The following KIF16B variants were observed in gnomAD, a reference collection of about 807,000 sequenced individuals.
KIF16B encodes the protein kinesin family member 16B.
Under a neutral mutation model 156.3 loss-of-function variants are expected in KIF16B, and 98 were observed. That is an observed-to-expected ratio of 0.63 (90% confidence interval 0.53 to 0.74). KIF16B has a LOEUF of 0.74. KIF16B is among the 30% of genes least tolerant of loss of function. The probability of loss-of-function intolerance (pLI) is 0.00; values close to 1 mark genes in which losing one functional copy is unlikely to be tolerated. For missense variants in KIF16B, 1,421 were observed against 1,606.5 expected (o/e 0.88, Z 1.97); for synonymous variants, 564 against 583.7 (o/e 0.97, Z 0.49).
intron 25 of KIF16B, among the ~76,000 whole-genome samples, chr20:16,310,196 AG>A (rs1419201240): frequency 6.6e-6 from 1 of 152,260 alleles, no homozygotes. Flanking sequence ...TGTTCTCTAG[AG>A]GATAATGCCA....
rs530294626 is a variant in KIF16B, at chr20:16,557,784, T to G, written c.47+15445A>C. Among the ~76,000 whole-genome samples, 27 of 152,302 alleles carry G rather than the reference T, an allele frequency of 1.8e-4. No individual in the cohort carries two copies. In the South Asian group the frequency reaches 3.7e-3, roughly 21 times the overall value. On this transcript the variant is annotated intron_variant, in intron 1 of 25. Transcript: ENST00000354981. The stretch of plus-strand genomic sequence containing the variant: ...CCTGCATGGTTTCCTTGTTTGGTTG[T>G]TTGTTTCCGCTAAAATCCTTGCCAA...
At chr20:16,433,244 A>G (rs113655396) in intron 12 of KIF16B, among the ~76,000 whole-genome samples, 146 of 152,302 alleles carry the variant, frequency 9.6e-4, no homozygotes, top group African/African-American at 3.1e-3. Flanking sequence ...CAGTAGCCCC[A>G]TGGCAATGAA....
chr20:16,274,535 T>C (rs2063032395), intron 25 of KIF16B, among the ~76,000 whole-genome samples: 1 of 152,234 alleles, frequency 6.6e-6, no homozygotes, highest in African/African-American at 2.4e-5. Context: ...CCCAAACCTT[T>C]ATTATTGTCT....
rs1019770889 is a variant in KIF16B, at chr20:16,522,089, G to A, written c.231+4003C>T. On this transcript the variant is annotated intron_variant, in intron 3 of 25. Transcript: ENST00000354981. ...AACATACCAAATTGTAAAGACCATCGACACCATGAAGAAACTGCATCAACT... is the reference window on the plus strand; with the variant it reads ...AACATACCAAATTGTAAAGACCATCAACACCATGAAGAAACTGCATCAACT... 8.5e-5 allele frequency among the ~76,000 whole-genome samples: 13 copies of A among 152,174 alleles called. No individual in the cohort carries two copies. The East Asian group carries it at 2.1e-3, about 25-fold the overall frequency.
At chr20:16,525,081 C>T (rs1448746481) in intron 3 of KIF16B, among the ~76,000 whole-genome samples, 9 of 152,004 alleles carry the variant, frequency 5.9e-5, no homozygotes, top group Non-Finnish European at 1.3e-4. Flanking sequence ...ATGTAGATGT[C>T]GGGTTGATGG....
At position 16,507,726 on chromosome 20, in the gene KIF16B, C is replaced by G. The variant is rs1034829238; in HGVS notation, c.699+232G>C. Among the ~76,000 whole-genome samples, 4 of 152,082 alleles carry G rather than the reference C, an allele frequency of 2.6e-5. No individual in the cohort carries two copies. In the East Asian group the frequency reaches 5.8e-4, roughly 22 times the overall value. On this transcript the variant is annotated intron_variant, in intron 7 of 25. Transcript: ENST00000354981. Reference sequence around the variant, plus strand: ...TTTTATGTCTAGAACAGGGTGGAAGCCTTCTAAGTATTTCTTAAGGGTACA... The same window carrying G: ...TTTTATGTCTAGAACAGGGTGGAAGGCTTCTAAGTATTTCTTAAGGGTACA...
At chr20:16,301,324 C>T (rs554529552) in intron 25 of KIF16B, among the ~76,000 whole-genome samples, 7 of 152,244 alleles carry the variant, frequency 4.6e-5, no homozygotes, top group South Asian at 2.1e-4. Flanking sequence ...TGAGAGGGCA[C>T]GTTTCAACTT....
At chr20:16,295,591 TATC>T (rs1444954439) in intron 25 of KIF16B, among the ~76,000 whole-genome samples, 5 of 151,552 alleles carry the variant, frequency 3.3e-5, no homozygotes, top group Non-Finnish European at 4.4e-5. Flanking sequence ...ATTAATAATA[TATC>T]ATTATACATC....
chr20:16,506,855 G>A (rs1342629739), intron 7 of KIF16B, among the ~76,000 whole-genome samples: 3 of 152,000 alleles, frequency 2.0e-5, no homozygotes, highest in Admixed American at 1.3e-4. Flanking sequence ...AGCACTTTGG[G>A]AGGCCAAGGT....
intron 12 of KIF16B, among the ~76,000 whole-genome samples, chr20:16,463,785 T>C (rs564409602): frequency 1.3e-5 from 2 of 152,304 alleles, no homozygotes; most frequent in East Asian, 1.9e-4. Flanking sequence ...AGTCAGGTGG[T>C]TTCCAATTCT....
intron 23 of KIF16B, among the ~76,000 whole-genome samples, chr20:16,336,590 G>T (rs889689288): frequency 6.6e-6 from 1 of 151,988 alleles, no homozygotes; most frequent in Non-Finnish European, 1.5e-5. Flanking sequence ...TTTCTTCTGC[G>T]CTCTAGACCC....
chr20:16,448,519 A>G (rs1041368615), intron 12 of KIF16B, among the ~76,000 whole-genome samples: 2 of 152,200 alleles, frequency 1.3e-5, no homozygotes, highest in African/African-American at 4.8e-5. Flanking sequence ...GTCAGAGAAC[A>G]AAGAAAATCC....
At chr20:16,508,483 A>G (rs1257845910) in intron 6 of KIF16B, among the ~76,000 whole-genome samples, 1 of 152,188 alleles carries the variant, frequency 6.6e-6, no homozygotes, top group Admixed American at 6.5e-5. Context: ...TCGGGATGAA[A>G]TTGTTCCACA....
intron 17 of KIF16B, among the ~76,000 whole-genome samples, chr20:16,385,876 AC>A (rs2065218928): frequency 6.6e-6 from 1 of 152,128 alleles, no homozygotes; most frequent in African/African-American, 2.4e-5. Context: ...TTCCCATTTC[AC>A]ACATGAGAAA....
intron 25 of KIF16B, among the ~76,000 whole-genome samples, chr20:16,304,448 T>C (rs2063514076): frequency 6.6e-6 from 1 of 152,232 alleles, no homozygotes; most frequent in African/African-American, 2.4e-5. Context: ...TTCAGTTTCC[T>C]TGAATACTCC....
chr20:16,343,082 ATTATT>A (rs924780421), intron 23 of KIF16B, among the ~76,000 whole-genome samples: 1 of 152,212 alleles, frequency 6.6e-6, no homozygotes, highest in African/African-American at 2.4e-5. Context: ...AAAACACTGA[ATTATT>A]TTATTTAATG....
intron 24 of KIF16B, among the ~76,000 whole-genome samples, chr20:16,317,994 A>G (rs1358391827): frequency 1.3e-5 from 2 of 152,206 alleles, no homozygotes; most frequent in Non-Finnish European, 1.5e-5. Context: ...CCCATGAACC[A>G]GAAAACAAGA....
At chr20:16,420,892 GTATGACC>G (rs1395344767) in intron 15 of KIF16B, among the ~76,000 whole-genome samples, 1 of 152,072 alleles carries the variant, frequency 6.6e-6, no homozygotes, top group Non-Finnish European at 1.5e-5. Flanking sequence ...AGGGCTGCAG[GTATGACC>G]TAACCTGGCT....
intron 12 of KIF16B, among the ~76,000 whole-genome samples, chr20:16,470,388 A>C (rs6043976): frequency 0.22 from 33,611 of 152,094 alleles, 3,801 homozygotes; most frequent in Admixed American, 0.26. Flanking sequence ...TAAATGTGTC[A>C]CTGTGGTGAG....
Sources: gnomAD v4.1 joint callset for allele counts (sites outside exome capture counted in the v4.1 genomes callset) on GRCh38, gnomAD v4.1.1 for gene constraint, MANE v1.5 for transcripts, NCBI Gene and HGNC (gene_info 2026-07-23, HGNC 2026-07-21) for gene names.